The following NADK variants were observed in gnomAD, a reference collection of about 807,000 sequenced individuals.
The protein encoded by NADK is poly(P)/ATP NAD kinase.
A neutral mutation model predicts 49.8 loss-of-function variants in NADK; 22 were observed. The observed-to-expected ratio is 0.44, with a 90% CI of 0.32 to 0.63. The LOEUF (loss-of-function observed/expected upper bound fraction) is 0.63. Ranked by LOEUF, NADK falls within the 30% of genes least tolerant of loss-of-function variation. The pLI, the probability that NADK is intolerant of heterozygous loss-of-function variation, is 0.06. For missense variants in NADK, 438 were observed against 609.4 expected, an observed-to-expected ratio of 0.72 and a Z score of 2.96; for synonymous variants, 268 against 253.7, an observed-to-expected ratio of 1.06 and a Z score of -0.54.
intron 10 of NADK, 28 bp from the exon 11 acceptor site, chr1:1,753,677 G>C: frequency 1.3e-6 from 2 of 1,574,542 alleles, no homozygotes; most frequent in Non-Finnish European, 8.7e-7. Flanking sequence ...AGAGGTGTGG[G>C]CCCCCAGCTG....
intron 10 of NADK, 24 bp from the exon 11 acceptor site, chr1:1,753,673 G>A (rs752923819): frequency 6.3e-7 from 1 of 1,583,520 alleles, no homozygotes; most frequent in South Asian, 1.1e-5. Flanking sequence ...AGGGAGAGGT[G>A]TGGGCCCCCA....
intron 3 of NADK, chr1:1,759,349 T>C (rs1275266722): frequency 7.1e-7 from 1 of 1,400,692 alleles, no homozygotes; most frequent in East Asian, 2.5e-5. Flanking sequence ...CTGTGGGTAC[T>C]GCACGGAGAG....
At chr1:1,766,368 T>G (rs559783269) in intron 1 of NADK, among the ~76,000 whole-genome samples, 1 of 126,802 alleles carries the variant, frequency 7.9e-6, no homozygotes, top group East Asian at 2.4e-4. Context: ...ATTGTGCCAC[T>G]GCACTCCAGC....
In NADK at chr1:1,754,348, G is replaced by A. The variant is rs755703487; in HGVS notation, c.879C>T (p.Ser293=). The change falls in exon 9 of 12, where the codon TCC becomes TCT. Residue 293 remains serine, a synonymous_variant. Transcript: ENST00000341426. This position sits in a 1 kb window ranked among gnomAD's most constrained non-coding sequence, Gnocchi z 4.3. ...AGACATCCACATTGGACAGGTAGGAGGAGGGGCCTCTGTCAATCACCACCT... is the reference window on the plus strand; with the variant it reads ...AGACATCCACATTGGACAGGTAGGAAGAGGGGCCTCTGTCAATCACCACCT... ...LNEVVIDRGP[S]SYLSNVDVYL... 4.8e-5 allele frequency: 77 copies of A among 1,613,842 alleles called. 3 individuals carry two copies. The South Asian group carries it at 8.2e-4, about 17-fold the overall frequency.
chr1:1,773,711 T>TGA (rs769092801), intron 1 of NADK, among the ~76,000 whole-genome samples: 5,782 of 113,456 alleles, frequency 0.051, 567 homozygotes, highest in East Asian at 0.22. Context: ...TGTGTGTGTG[T>TGA]GTGTGTGTGT....
At position 1,756,621 on chromosome 1, in the gene NADK, T is replaced by A; in HGVS notation, c.394-13A>T. On this transcript the variant is annotated splice_polypyrimidine_tract_variant and intron_variant, in intron 4 of 11. Transcript: ENST00000341426. Reference sequence around the variant, plus strand: ...CGATCATGTTCTCCTGGAAGCAAAGTGCCAACCTGCTCATTCCACCTGCAG... The same window carrying A: ...CGATCATGTTCTCCTGGAAGCAAAGAGCCAACCTGCTCATTCCACCTGCAG... 1 of 1,614,040 alleles carries A rather than the reference T, an allele frequency of 6.2e-7. No individual in the cohort carries two copies. Among genetic ancestry groups the A allele is most frequent in the East Asian group, 2.2e-5 (1 of 44,874 alleles).
In NADK at chr1:1,773,559, T is replaced by C. The variant is rs866190509; in HGVS notation, c.-41+4730A>G. 3.4e-4 allele frequency among the ~76,000 whole-genome samples: 51 copies of C among 151,838 alleles called. 1 individual carries two copies. Among genetic ancestry groups the C allele is most frequent in the Middle Eastern group, 3.4e-3 (1 of 294 alleles). ...TGAAGCCAGGAATTGGAGACCAGCC[T>C]GGGCAACACAGCAAGACCCCGTCTC... On this transcript the variant is annotated intron_variant, in intron 1 of 11. Transcript: ENST00000341426.
At chr1:1,756,373 G>C in intron 5 of NADK, 30 bp from the exon 6 acceptor site, 1 of 1,610,490 alleles carries the variant, frequency 6.2e-7, no homozygotes, top group Non-Finnish European at 8.5e-7. Context: ...ACCAAGAAGA[G>C]GCTGTCACAC....
At position 1,778,322 on chromosome 1, in the gene NADK, A is replaced by G. The variant is rs1646274039; in HGVS notation, c.-74T>C. 6.6e-6 allele frequency: 1 copy of G among 150,966 alleles called. No individual in the cohort carries two copies. The highest frequency in any genetic ancestry group is 6.6e-5 in the Admixed American group (1 of 15,146). 9.4% of individuals were successfully genotyped at this position (150,966 alleles called of 1,614,324 possible). A position where few individuals can be genotyped will look rare whatever the true frequency, so the allele number is the denominator to read the frequency against. On this transcript the variant is annotated 5_prime_UTR_variant, in exon 1 of 12. It removes the in-frame stop codon of an upstream open reading frame in the 5' UTR. Transcript: ENST00000341426. The surrounding 1 kb of genome is among the most constrained non-coding windows in gnomAD (Gnocchi z 4.9). ...GCCGCGGGCGCCTGCGGGGGCGTCT[A>G]CATGCCGGACCGAGCCCGCAGGCCC...
chr1:1,754,447 C>T lies in NADK; in HGVS notation c.844-64G>A, dbSNP rs139419472. On this transcript the variant is annotated intron_variant, in intron 8 of 11. Transcript: ENST00000341426. This position sits in a 1 kb window ranked among gnomAD's most constrained non-coding sequence, Gnocchi z 4.3. ...TGCCGCACGGCTCGCAGACACCCTC[C>T]GTCTCACCCAGCCGGGCTCTCCGGA... 1.0e-3 allele frequency: 1,668 copies of T among 1,607,794 alleles called. 17 individuals are homozygous for T. In the African/African-American group the frequency reaches 0.02, roughly 19 times the overall value.
upstream of NADK, chr1:1,778,780 G>T (rs1322014801): frequency 6.6e-6 from 1 of 151,932 alleles, no homozygotes; most frequent in African/African-American, 2.4e-5. The surrounding 1 kb of genome is among the most constrained non-coding windows in gnomAD (Gnocchi z 4.9). Flanking sequence ...GGGTCCGCCC[G>T]CCACGTCTAC....
intron 3 of NADK, chr1:1,758,460 CCT>C: frequency 6.2e-7 from 1 of 1,612,432 alleles, no homozygotes; most frequent in Non-Finnish European, 8.5e-7. Context: ...CGAGGTAGCC[CCT>C]GCCTGCTGGG....
Position 1,754,815 on chromosome 1 carries a change from T to C in NADK, c.689-117A>G. ...TCTTTCTTCTCCCAAGTTGACACAC[T>C]TCTGTGCCTTTTTCTTTTTATTTTG... On this transcript the variant is annotated intron_variant, in intron 7 of 11. Transcript: ENST00000341426. The surrounding 1 kb of genome is among the most constrained non-coding windows in gnomAD (Gnocchi z 4.3). 1.1e-6 allele frequency: 1 copy of C among 935,240 alleles called. No individual in the cohort carries two copies. The highest frequency in any genetic ancestry group is 1.6e-6 in the Non-Finnish European group (1 of 626,518). The allele number at this position is 935,240 out of a possible 1,614,324, so 57.9% of individuals were successfully genotyped here. A position where few individuals can be genotyped will look rare whatever the true frequency, so the allele number is the denominator to read the frequency against.
Position 1,754,365 on chromosome 1 carries a change from TCAC to T in NADK, c.859_861del (p.Val287del). 1 of 1,613,866 alleles carries T rather than the reference TCAC, an allele frequency of 6.2e-7. No individual in the cohort carries two copies. On this transcript the variant is annotated inframe_deletion, in exon 9 of 12. Transcript: ENST00000341426. This position sits in a 1 kb window ranked among gnomAD's most constrained non-coding sequence, Gnocchi z 4.3. ...AGGTAGGAGGAGGGGCCTCTGTCAATCACCACCTCATTCAGGACCTGGAGGGGC... is the reference window on the plus strand; with the variant it reads ...AGGTAGGAGGAGGGGCCTCTGTCAATCACCTCATTCAGGACCTGGAGGGGC...
At chr1:1,760,177 T>G (rs886998163) in intron 3 of NADK, among the ~76,000 whole-genome samples, 1 of 152,106 alleles carries the variant, frequency 6.6e-6, no homozygotes, top group East Asian at 1.9e-4. Context: ...AATCTGCAGA[T>G]GGACTGGATG....
In NADK at chr1:1,773,717, T is replaced by TGAGAGA. The variant is rs1251106836; in HGVS notation, c.-41+4571_-41+4572insTCTCTC. Among the ~76,000 whole-genome samples, 379 of 137,972 alleles carry TGAGAGA rather than the reference T, an allele frequency of 2.7e-3. 2 individuals are homozygous for TGAGAGA. Among genetic ancestry groups the TGAGAGA allele is most frequent in the Non-Finnish European group, 3.7e-3 (233 of 63,116 alleles). 90.5% of individuals were successfully genotyped at this position (137,972 alleles called of 152,430 possible). ...GTGTGTGTGTGTGTGTGTGTGTGTGTGTGTGTGTGTGTGAGAGAGAGAGAG... is the reference window on the plus strand; with the variant it reads ...GTGTGTGTGTGTGTGTGTGTGTGTGTGAGAGAGTGTGTGTGTGTGAGAGAGAGAGAG... On this transcript the variant is annotated intron_variant, in intron 1 of 11. Transcript: ENST00000341426.
rs71578334 is a variant in NADK at position 1,752,908 on chromosome 1, CCCTCCT to C, written c.1331_1336del (p.Glu444_Glu445del). Reference sequence around the variant, plus strand: ...GGGCCTGGATAGGGGCTTGACCTAGCCCTCCTCCTCCTCCTCCTCCTCCTCCTCGAA... The same window carrying C: ...GGGCCTGGATAGGGGCTTGACCTAGCCCTCCTCCTCCTCCTCCTCCTCGAA... On this transcript the variant is annotated inframe_deletion, in exon 12 of 12. Coordinates refer to ENST00000341426, the MANE Select transcript of NADK (RefSeq NM_023018.5). The C allele has an allele frequency of 2.7e-4, 417 of 1,525,942 alleles. No homozygotes were observed. Among genetic ancestry groups the C allele is most frequent in the African/African-American group, 4.1e-4 (30 of 73,726 alleles). 94.5% of individuals were successfully genotyped at this position (1,525,942 alleles called of 1,614,324 possible).
upstream of NADK, among the ~76,000 whole-genome samples, chr1:1,779,727 T>C (rs1646316908): frequency 6.6e-6 from 1 of 151,994 alleles, no homozygotes; most frequent in South Asian, 2.1e-4. Context: ...CCAGGCTGGG[T>C]CTCAAACTTC....
At chr1:1,771,694 G>A (rs1043509987) in intron 1 of NADK, among the ~76,000 whole-genome samples, 1 of 152,126 alleles carries the variant, frequency 6.6e-6, no homozygotes, top group African/African-American at 2.4e-5. Flanking sequence ...CTAAAAGAAC[G>A]AAGCCCAACC....
Sources: allele counts gnomAD v4.1 joint callset (sites outside exome capture counted in the v4.1 genomes callset), GRCh38; gene constraint gnomAD v4.1.1; non-coding constraint Gnocchi (gnomAD v3.1); transcripts MANE v1.5; gene names NCBI Gene and HGNC (gene_info 2026-07-23, HGNC 2026-07-21).